PCDH11Y: variants seen among roughly 807,000 people sequenced by gnomAD.
PCDH11Y encodes the protein protocadherin-11 Y-linked.
For missense variants in PCDH11Y, 12 were observed against 224.8 expected, an observed-to-expected ratio of 0.05 and a Z score of 6.05; for synonymous variants, 9 against 83.6, an observed-to-expected ratio of 0.11 and a Z score of 4.87.
chrY:5,102,720 A>C, downstream of PCDH11Y, among the ~76,000 whole-genome samples: 4 of 32,956 alleles, frequency 1.2e-4, no homozygotes, highest in African/African-American at 4.7e-4. Context: ...GACACATTTT[A>C]TATCATATAA....
At chrY:5,739,915 A>G in exon 5 of PCDH11Y, 1 of 33,441 alleles carries the variant, frequency 3.0e-5, no homozygotes, top group Non-Finnish European at 7.5e-5. Flanking sequence ...TATCACACAA[A>G]TGTGTTGATA....
At chrY:5,451,172 C>T (rs2124682716) in intron 2 of PCDH11Y, among the ~76,000 whole-genome samples, 10 of 33,315 alleles carry the variant, frequency 3.0e-4, no homozygotes, top group Admixed American at 2.7e-3. Flanking sequence ...ATTTATACTA[C>T]TTAAACTATG....
chrY:5,625,369 T>A, intron 4 of PCDH11Y, among the ~76,000 whole-genome samples: 2 of 29,614 alleles, frequency 6.8e-5, no homozygotes, highest in Non-Finnish European at 1.6e-4. Flanking sequence ...CCTCTTTTTT[T>A]ATTTGGATAC....
At chrY:5,672,772 C>A in intron 4 of PCDH11Y, among the ~76,000 whole-genome samples, 3 of 31,320 alleles carry the variant, frequency 9.6e-5, no homozygotes, top group Non-Finnish European at 1.6e-4. Flanking sequence ...TTATTTATTT[C>A]TATTCTAATC....
At chrY:5,502,615 C>T (rs1602935172) in intron 3 of PCDH11Y, among the ~76,000 whole-genome samples, 5 of 33,073 alleles carry the variant, frequency 1.5e-4, no homozygotes, top group African/African-American at 5.8e-4. Context: ...ATTATATTTA[C>T]TTGTGTAATG....
intron 4 of PCDH11Y, among the ~76,000 whole-genome samples, chrY:5,692,094 TAAAC>T (rs2053568312): frequency 3.0e-5 from 1 of 32,942 alleles, no homozygotes; most frequent in Non-Finnish European, 7.4e-5. Flanking sequence ...AAATACGAAA[TAAAC>T]AAGCTCAGGA....
intron 2 of PCDH11Y, among the ~76,000 whole-genome samples, chrY:5,278,631 C>T: frequency 3.0e-5 from 1 of 33,619 alleles, no homozygotes; most frequent in African/African-American, 1.2e-4. Context: ...AACCTCAGCC[C>T]ATGCTCATGT....
chrY:5,462,683 C>G, intron 2 of PCDH11Y, among the ~76,000 whole-genome samples: 1 of 31,912 alleles, frequency 3.1e-5, no homozygotes. Context: ...GTTGCCTAGG[C>G]TGGAGTGCAA....
At chrY:5,390,048 T>C (rs2053219985) in intron 2 of PCDH11Y, among the ~76,000 whole-genome samples, 1 of 33,612 alleles carries the variant, frequency 3.0e-5, no homozygotes, top group Non-Finnish European at 7.3e-5. Flanking sequence ...ATTCTTGGCA[T>C]ATATTGAACA....
chrY:5,728,853 T>A, intron 4 of PCDH11Y, among the ~76,000 whole-genome samples: 3 of 32,811 alleles, frequency 9.1e-5, no homozygotes, highest in Non-Finnish European at 1.5e-4. Flanking sequence ...TAGCTTCCAC[T>A]TATAAGGGAG....
intron 2 of PCDH11Y, among the ~76,000 whole-genome samples, chrY:5,231,124 C>A: frequency 3.1e-5 from 1 of 32,728 alleles, no homozygotes; most frequent in East Asian, 8.3e-4. Flanking sequence ...AGGTCACATA[C>A]CCCTGTTCCT....
chrY:5,509,461 C>T (rs2053362082), intron 3 of PCDH11Y, among the ~76,000 whole-genome samples: 2 of 29,567 alleles, frequency 6.8e-5, no homozygotes, highest in African/African-American at 2.7e-4. Flanking sequence ...ATTGTGTGTA[C>T]GTGTGTGTAT....
chrY:5,247,186 A>T (rs2052997058), intron 2 of PCDH11Y, among the ~76,000 whole-genome samples: 1 of 32,851 alleles, frequency 3.0e-5, no homozygotes, highest in Admixed American at 2.8e-4. Context: ...GATCAATGAG[A>T]CAGAAAATTA....
chrY:5,371,717 G>A, intron 2 of PCDH11Y, among the ~76,000 whole-genome samples: 1 of 32,224 alleles, frequency 3.1e-5, no homozygotes, highest in Non-Finnish European at 7.6e-5. Context: ...GGCCAGCAAG[G>A]CGAAACCCCA....
chrY:5,726,710 G>C (rs2124714628), intron 4 of PCDH11Y, among the ~76,000 whole-genome samples: 3 of 33,152 alleles, frequency 9.0e-5, no homozygotes, highest in Admixed American at 5.5e-4. Flanking sequence ...AAATGACTTT[G>C]CATCAATTTC....
intron 2 of PCDH11Y, among the ~76,000 whole-genome samples, chrY:5,141,884 C>T: frequency 1.2e-4 from 3 of 24,948 alleles, no homozygotes; most frequent in South Asian, 1.1e-3. Context: ...ATACCAAAAG[C>T]AATGGCAACA....
intron 1 of PCDH11Y, among the ~76,000 whole-genome samples, chrY:5,012,668 G>GTTTTTTT (rs751005442): frequency 3.3e-4 from 5 of 14,951 alleles, no homozygotes; most frequent in African/African-American, 1.3e-3. Flanking sequence ...TCATTTTAGG[G>GTTTTTTT]TTTTTTTTTT....
intron 2 of PCDH11Y, among the ~76,000 whole-genome samples, chrY:5,174,145 T>G: frequency 9.1e-5 from 2 of 22,010 alleles, no homozygotes; most frequent in African/African-American, 3.8e-4. Flanking sequence ...ATGTGATATA[T>G]ATATATATAT....
chrY:5,311,627 C>T (rs2124664631), intron 2 of PCDH11Y, among the ~76,000 whole-genome samples: 1 of 28,102 alleles, frequency 3.6e-5, no homozygotes, highest in South Asian at 9.4e-4. Context: ...ACCTGTTCAG[C>T]ACAGATGAGG....
Sources: gnomAD v4.1 joint callset for allele counts (sites outside exome capture counted in the v4.1 genomes callset) on GRCh38, gnomAD v4.1.1 for gene constraint, MANE v1.5 for transcripts, NCBI Gene and HGNC (gene_info 2026-07-23, HGNC 2026-07-21) for gene names.